The following WDR87 variants were observed in gnomAD, a reference collection of about 807,000 sequenced individuals.
The protein encoded by WDR87 is WD repeat domain 87.
Under a neutral mutation model 83.3 loss-of-function variants are expected in WDR87, and 56 were observed. The observed-to-expected ratio is 0.67, with a 90% CI of 0.54 to 0.84. The LOEUF is 0.84. WDR87 is among the 40% of genes least tolerant of loss of function. WDR87 has a pLI of 0.00. For synonymous variants in WDR87, 1,173 were observed against 1,250.6 expected (o/e 0.94, Z 1.31); for missense variants, 2,939 against 3,431.9 (o/e 0.86, Z 3.59).
chr19:37,900,962 C>CAAAAAA (rs878938966), intron 1 of WDR87, among the ~76,000 whole-genome samples: 1 of 29,510 alleles, frequency 3.4e-5, no homozygotes, highest in African/African-American at 9.0e-5. Flanking sequence ...CCTGTCTCTA[C>CAAAAAA]AAAAAAAAAA....
chr19:37,888,385 C>T lies in WDR87; in HGVS notation c.5286G>A (p.Trp1762Ter). The change falls in exon 6 of 6, where the codon TGG becomes TGA. Residue 1762 changes from tryptophan to a stop codon, truncating the protein, a stop_gained. Coordinates refer to ENST00000447313, the MANE Select transcript of WDR87 (RefSeq NM_001291088.2). LOFTEE classifies it low-confidence loss of function (END_TRUNC). ...CTTTCCAAGACAGTTCTTCCATGTC[C>T]CATTCCAGTTCCTCCAATTCCTGGG... Reference protein sequence around the residue: ...ELAQELEELEWDMEELSWKEE... With the variant: ...ELAQELEELE 6.4e-7 allele frequency: 1 copy of T among 1,552,138 alleles called. No individual in the cohort carries two copies.
In WDR87 at chr19:37,886,474, T is replaced by G; in HGVS notation, c.7197A>C (p.Leu2399=). The G allele has an allele frequency of 6.6e-7, 1 of 1,523,208 alleles. No homozygotes were observed. 94.4% of individuals were successfully genotyped at this position (1,523,208 alleles called of 1,614,324 possible). A position where few individuals can be genotyped will look rare whatever the true frequency, so the allele number is the denominator to read the frequency against. ...FKLQEQRRKS[L]RGRERVLSIL... ...TGGAAAGGACTCTTTCCCTTCCTCT[T>G]AGGCTCTTTCTTCTTTGTTCTTGTA... is the stretch of plus-strand genomic sequence containing the variant. The change falls in exon 6 of 6, where the codon CTA becomes CTC. Residue 2399 remains leucine (L), a synonymous_variant. Coordinates refer to ENST00000447313, the MANE Select transcript of WDR87 (RefSeq NM_001291088.2).
rs2145430687 is a variant in WDR87 at position 37,893,615 on chromosome 19, C to T, written c.2088G>A (p.Leu696=). 2 of 1,552,070 alleles carry T rather than the reference C, an allele frequency of 1.3e-6. No homozygotes were observed. The highest frequency in any genetic ancestry group is 2.4e-5 in the East Asian group (1 of 40,914). Residue 696 remains leucine, a synonymous_variant, in exon 4 of 6, where the codon CTG becomes CTA. Transcript: ENST00000447313. ...TTGGTATGAAAGGCTTAGGGACTTCCAGTACTTCATCTGATATGCTCATAA... is the reference window on the plus strand; with the variant it reads ...TTGGTATGAAAGGCTTAGGGACTTCTAGTACTTCATCTGATATGCTCATAA... ...LSFMSISDEV[L]EVPKPFIPSF...
At position 37,895,461 on chromosome 19, in the gene WDR87, A is replaced by G. The variant is rs529930938; in HGVS notation, c.247-5T>C. 6.5e-7 allele frequency: 1 copy of G among 1,547,866 alleles called. No homozygotes were observed. The highest frequency in any genetic ancestry group is 1.2e-5 in the South Asian group (1 of 83,826). On this transcript the variant is annotated splice_polypyrimidine_tract_variant and splice_region_variant and intron_variant, in intron 3 of 5. Coordinates refer to ENST00000447313, the MANE Select transcript of WDR87 (RefSeq NM_001291088.2). ...GCTCTTCATCCATGCTACAGCCTAG[A>G]AGAGAATAAGAAGGAAACTGCCTAG...
rs1208164948 is a variant in WDR87 at position 37,887,300 on chromosome 19, C to T, written c.6371G>A (p.Arg2124Lys). The T allele has an allele frequency of 1.3e-6, 2 of 1,551,230 alleles. No individual in the cohort carries two copies. The highest frequency in any genetic ancestry group is 1.4e-5 in the African/African-American group (1 of 72,948). ...TTCCTGTGTTAGTTTCCTTTCATCC[C>T]TGGTTAGTTTTTGAAGTGCCTTTAA... ...KILKALQKLT[R>K]DERKLTQEEI... Residue 2124 changes from arginine (R) to lysine (K), a missense_variant, in exon 6 of 6, where the codon AGG becomes AAG. Physicochemically the swap from Arg to Lys is conservative, Grantham distance 26. This residue lies in a region of WDR87 where 2,160 missense variants were observed against 2,533.1 expected (regional missense o/e 0.85). Transcript: ENST00000447313.
Position 37,884,994 on chromosome 19 carries a change from G to A in WDR87, c.8677C>T (p.Leu2893=). ...GTGAGATGAAGATCAGCTTCAGGCA[G>A]GCTCTTCCAGGCAAGTTCTAAGATC... The part of the protein sequence containing the change: ...YGILELAWKS[L]PEADLHLTKA... Residue 2893 remains leucine (L), a synonymous_variant, in exon 6 of 6, where the codon CTG becomes TTG. Transcript: ENST00000447313. 7.1e-7 allele frequency: 1 copy of A among 1,401,806 alleles called. No homozygotes were observed. The highest frequency in any genetic ancestry group is 1.5e-5 in the African/African-American group (1 of 68,772). The allele number at this position is 1,401,806 out of a possible 1,614,324, so 86.8% of individuals were successfully genotyped here. A position where few individuals can be genotyped will look rare whatever the true frequency, so the allele number is the denominator to read the frequency against.
chr19:37,897,455 C>CAT (rs2145438244), intron 2 of WDR87, among the ~76,000 whole-genome samples: 1 of 151,962 alleles, frequency 6.6e-6, no homozygotes, highest in South Asian at 2.1e-4. Context: ...GGTGATCTGC[C>CAT]TACCTCGCCC....
At position 37,889,562 on chromosome 19, in the gene WDR87, C is replaced by A; in HGVS notation, c.4109G>T (p.Gly1370Val). 6.4e-7 allele frequency: 1 copy of A among 1,551,800 alleles called. No individual in the cohort carries two copies. The highest frequency in any genetic ancestry group is 8.7e-7 in the Non-Finnish European group (1 of 1,147,034). ...GTGTCTGATCACCTCTTGGGTCACA[C>A]CTTGTATCATGTCCTCTCTAATTGC... ...EGAIREDMIQ[G>V]VTQEVIRHKE... Residue 1370 changes from glycine to valine, a missense_variant, in exon 6 of 6, where the codon GGT becomes GTT. This residue lies in a region of WDR87 where 2,160 missense variants were observed against 2,533.1 expected (regional missense o/e 0.85). Coordinates refer to ENST00000447313, the MANE Select transcript of WDR87 (RefSeq NM_001291088.2).
At chr19:37,897,190 G>C (rs1008422676) in intron 2 of WDR87, among the ~76,000 whole-genome samples, 3 of 144,258 alleles carry the variant, frequency 2.1e-5, no homozygotes, top group African/African-American at 7.8e-5. Context: ...TATGAAACAT[G>C]CATCTGGGAT....
In WDR87 at chr19:37,884,964, C is replaced by T; in HGVS notation, c.8707G>A (p.Ala2903Thr). The change falls in exon 6 of 6, where the codon GCA becomes ACA. Residue 2903 changes from alanine to threonine, a missense_variant. Physicochemically the swap from Ala to Thr is moderately conservative, Grantham distance 58 (BLOSUM62 0). Transcript: ENST00000447313. The stretch of plus-strand genomic sequence containing the variant: ...GTGGGAGCAACGGTGTGTGTCAGTG[C>T]CTTGGTGAGATGAAGATCAGCTTCA... Reference protein sequence around the residue: ...LPEADLHLTKALTHTVAPTL With the variant: ...LPEADLHLTKTLTHTVAPTL 1.5e-6 allele frequency: 2 copies of T among 1,370,340 alleles called. No homozygotes were observed. Among genetic ancestry groups the T allele is most frequent in the Non-Finnish European group, 1.9e-6 (2 of 1,056,802 alleles). 84.9% of individuals were successfully genotyped at this position (1,370,340 alleles called of 1,614,324 possible).
intron 1 of WDR87, among the ~76,000 whole-genome samples, chr19:37,905,667 A>T (rs1018862677): frequency 3.9e-5 from 6 of 152,004 alleles, no homozygotes; most frequent in African/African-American, 7.3e-5. Flanking sequence ...GGCTTAAGCG[A>T]TACTCAGCCT....
intron 1 of WDR87, among the ~76,000 whole-genome samples, chr19:37,900,951 C>T (rs1261423489): frequency 2.1e-5 from 3 of 141,972 alleles, no homozygotes; most frequent in Admixed American, 7.2e-5. Flanking sequence ...CATAGTGGGA[C>T]CCTGTCTCTA....
chr19:37,895,775 A>C (rs1210698869), intron 3 of WDR87, among the ~76,000 whole-genome samples: 1 of 151,826 alleles, frequency 6.6e-6, no homozygotes, highest in Non-Finnish European at 1.5e-5. Flanking sequence ...TCAAAAAAAA[A>C]AAAAAAAAAA....
chr19:37,891,944 C>T, intron 4 of WDR87, 124 bp from the exon 5 acceptor site: 2 of 1,166,162 alleles, frequency 1.7e-6, no homozygotes, highest in Non-Finnish European at 2.3e-6. Context: ...ATGGCATATG[C>T]AGAGGAAAAT....
rs185788127 is a variant in WDR87, at chr19:37,894,937, G to C, written c.766C>G (p.Leu256Val). The C allele has an allele frequency of 1.3e-6, 2 of 1,551,726 alleles. No individual in the cohort carries two copies. The highest frequency in any genetic ancestry group is 1.7e-6 in the Non-Finnish European group (2 of 1,147,006). ...CCFTCFDQGF[L>V]YAGNQAGEIQ... ...TCCCCAGCTTGGTTTCCAGCATAGA[G>C]AAAGCCCTGATCAAAACAGGTGAAG... The change falls in exon 4 of 6, where the codon CTC becomes GTC. Residue 256 changes from leucine to valine, a missense_variant. Leu to Val is a conservative substitution (Grantham distance 32). Around this residue, in one of 3 missense-constraint regions of WDR87, gnomAD observed 553 missense variants for 577.9 expected, o/e 0.96. Coordinates refer to ENST00000447313, the MANE Select transcript of WDR87 (RefSeq NM_001291088.2).
intron 1 of WDR87, among the ~76,000 whole-genome samples, chr19:37,903,064 A>C (rs944764643): frequency 6.6e-6 from 1 of 152,242 alleles, no homozygotes; most frequent in African/African-American, 2.4e-5. Flanking sequence ...CTTTGAGTAC[A>C]TATAACGAGG....
chr19:37,892,588 G>A lies in WDR87; in HGVS notation c.3115C>T (p.Arg1039Trp), dbSNP rs376822850. The change falls in exon 4 of 6, where the codon CGG becomes TGG. Residue 1039 changes from arginine to tryptophan, a missense_variant. Coordinates refer to ENST00000447313, the MANE Select transcript of WDR87 (RefSeq NM_001291088.2). Reference sequence around the variant, plus strand: ...GAAGCACAAACTTACTGCATCTCCCGAAAAGTCTCTTGTTTTTGGGTCAGC... The same window carrying A: ...GAAGCACAAACTTACTGCATCTCCCAAAAAGTCTCTTGTTTTTGGGTCAGC... ...LQLTQKQETF[R>W]EMQQQMIGEE... 18 of 1,491,490 alleles carry A rather than the reference G, an allele frequency of 1.2e-5. No homozygotes were observed. In the African/African-American group the frequency reaches 1.5e-4, roughly 13 times the overall value. The allele number at this position is 1,491,490 out of a possible 1,614,324, so 92.4% of individuals were successfully genotyped here.
At position 37,895,342 on chromosome 19, in the gene WDR87, G is replaced by A; in HGVS notation, c.361C>T (p.Leu121Phe). 1 of 1,551,756 alleles carries A rather than the reference G, an allele frequency of 6.4e-7. No homozygotes were observed. The highest frequency in any genetic ancestry group is 8.7e-7 in the Non-Finnish European group (1 of 1,147,014). ...SMVHAGSFHI[L>F]VVYCGDLILR... ...ATCAGGTCACCACAGTAGACCACGAGGATATGAAAGGAGCCTGCATGGACC... is the reference window on the plus strand; with the variant it reads ...ATCAGGTCACCACAGTAGACCACGAAGATATGAAAGGAGCCTGCATGGACC... The change falls in exon 4 of 6, where the codon CTC (leucine) becomes TTC (phenylalanine). Residue 121 changes from leucine (L) to phenylalanine (F), a missense_variant. Leu to Phe is a conservative substitution (Grantham distance 22). This residue lies in a region of WDR87 where 226 missense variants were observed against 320.9 expected (regional missense o/e 0.70). Transcript: ENST00000447313.
chr19:37,898,421 C>A, intron 1 of WDR87, 136 bp from the exon 2 acceptor site: 1 of 1,138,170 alleles, frequency 8.8e-7, no homozygotes, highest in East Asian at 2.7e-5. Flanking sequence ...CATACCTTCT[C>A]ATTTCATCCA....
Sources: gnomAD v4.1 joint callset for allele counts (sites outside exome capture counted in the v4.1 genomes callset) on GRCh38, gnomAD v4.1.1 for gene constraint, gnomAD v4.1.1 regional missense constraint, MANE v1.5 for transcripts, NCBI Gene and HGNC (gene_info 2026-07-23, HGNC 2026-07-21) for gene names.